Variants in KANSL2 observed in about 807,000 individuals in gnomAD.
KANSL2 encodes NSL complex protein NSL2.
Under a neutral mutation model 55.6 loss-of-function variants are expected in KANSL2, and 34 were observed. The ratio of observed to expected loss-of-function variants is 0.61; its 90% CI spans 0.46 to 0.81. The LOEUF is 0.81. Ranked by LOEUF, KANSL2 falls within the 40% of genes least tolerant of loss-of-function variation. The pLI is 0.00. For missense variants in KANSL2, 502 were observed against 609.9 expected (o/e 0.82, Z 1.86); for synonymous variants, 209 against 214.3 (o/e 0.98, Z 0.22).
intron 1 of KANSL2, 114 bp from the exon 2 acceptor site, chr12:48,681,755 C>G (rs1156763556): frequency 7.3e-7 from 1 of 1,368,274 alleles, no homozygotes; most frequent in Non-Finnish European, 1.0e-6. Flanking sequence ...CCGTAAGGTA[C>G]GCTCCGTAAG....
chr12:48,679,926 A>AT, intron 2 of KANSL2, 93 bp from the exon 3 acceptor site: 1 of 1,101,212 alleles, frequency 9.1e-7, no homozygotes, highest in Non-Finnish European at 1.3e-6. Flanking sequence ...TTTTTAGGGA[A>AT]TTAAAATGAC....
intron 4 of KANSL2, among the ~76,000 whole-genome samples, chr12:48,676,494 C>A (rs1033302899): frequency 6.6e-6 from 1 of 152,060 alleles, no homozygotes; most frequent in African/African-American, 2.4e-5. Context: ...CCCGTCTCTA[C>A]TAAAAACACA....
chr12:48,654,816 T>C (rs892595430), intron 9 of KANSL2, 125 bp downstream of exon 9: 2 of 935,922 alleles, frequency 2.1e-6, no homozygotes, highest in Non-Finnish European at 3.2e-6. Context: ...GAGAGACATG[T>C]GGAGCATCTT....
chr12:48,662,904 G>C (rs1395413724), intron 7 of KANSL2, among the ~76,000 whole-genome samples: 8 of 151,588 alleles, frequency 5.3e-5, no homozygotes, highest in African/African-American at 1.2e-4. Flanking sequence ...AAAAATAAAA[G>C]AACAGTGAAA....
intron 6 of KANSL2, among the ~76,000 whole-genome samples, chr12:48,668,377 A>G (rs1939641246): frequency 6.6e-6 from 1 of 152,270 alleles, no homozygotes; most frequent in African/African-American, 2.4e-5. Flanking sequence ...GTGCAGACAC[A>G]GAGCTGGTCA....
In KANSL2 at chr12:48,653,670, G is replaced by C. The variant is rs950138488; in HGVS notation, c.*374C>G. 1.2e-5 allele frequency: 2 copies of C among 163,724 alleles called. No individual in the cohort carries two copies. The highest frequency in any genetic ancestry group is 4.8e-5 in the African/African-American group (2 of 41,834). 10.1% of individuals were successfully genotyped at this position (163,724 alleles called of 1,614,324 possible). A position where few individuals can be genotyped will look rare whatever the true frequency, so the allele number is the denominator to read the frequency against. ...GCTAAACTGCAGGTCTTCAGATAGA[G>C]ATAACCGATATTAGGGCCATCAGTA... On this transcript the variant is annotated 3_prime_UTR_variant, in exon 10 of 10. Transcript: ENST00000420613.
intron 4 of KANSL2, among the ~76,000 whole-genome samples, chr12:48,673,222 G>A (rs569289631): frequency 1.8e-4 from 27 of 152,154 alleles, no homozygotes; most frequent in African/African-American, 4.8e-4. Flanking sequence ...GATCTGGCAC[G>A]GATCCATATC....
chr12:48,664,879 CTTT>C (rs367566566), intron 7 of KANSL2, among the ~76,000 whole-genome samples: 7 of 94,658 alleles, frequency 7.4e-5, no homozygotes, highest in African/African-American at 1.3e-4. Flanking sequence ...ACTGCGCCCG[CTTT>C]TTTTTTTTTT....
chr12:48,682,017 C>A, intron 1 of KANSL2, 170 bp downstream of exon 1: 1 of 703,018 alleles, frequency 1.4e-6, no homozygotes, highest in East Asian at 2.7e-5. Context: ...TATGCGAGCG[C>A]CATTTTGTCC....
chr12:48,675,014 A>T (rs1939794528), intron 4 of KANSL2, among the ~76,000 whole-genome samples: 1 of 148,488 alleles, frequency 6.7e-6, no homozygotes, highest in South Asian at 2.1e-4. Context: ...AAATAAATTT[A>T]AAAATAAATA....
At chr12:48,669,375 G>T in intron 5 of KANSL2, 103 bp from the exon 6 acceptor site, 1 of 885,866 alleles carries the variant, frequency 1.1e-6, no homozygotes, top group Non-Finnish European at 1.7e-6. Flanking sequence ...AAGATAGGCA[G>T]TTTCAAAAGC....
chr12:48,681,915 C>T (rs749984290), intron 1 of KANSL2: 2 of 703,348 alleles, frequency 2.8e-6, no homozygotes, highest in African/African-American at 3.5e-5. Context: ...AGCGACAACA[C>T]CAGCCCCACG....
chr12:48,669,279 T>C lies in KANSL2; in HGVS notation c.710-7A>G. 4 of 1,536,874 alleles carry C rather than the reference T, an allele frequency of 2.6e-6. No individual in the cohort carries two copies. Among genetic ancestry groups the C allele is most frequent in the Non-Finnish European group, 3.5e-6 (4 of 1,141,016 alleles). On this transcript the variant is annotated splice_region_variant and splice_polypyrimidine_tract_variant and intron_variant, in intron 5 of 9. Coordinates refer to ENST00000420613, the MANE Select transcript of KANSL2 (RefSeq NM_017822.4). ...CCAGTCAGGAGACTACTGCCTAGAG[T>C]TACAAGAGTCAAGATGTTATTTGCC...
At chr12:48,679,214 CTAGAT>C in intron 3 of KANSL2, 64 bp from the exon 4 acceptor site, 2 of 1,052,170 alleles carry the variant, frequency 1.9e-6, no homozygotes, top group East Asian at 2.5e-5. Flanking sequence ...CCACACAAAA[CTAGAT>C]TACTTTTATC....
rs1321742358 is a variant in KANSL2, at chr12:48,669,090, T to C, written c.876+16A>G. 1.3e-6 allele frequency: 2 copies of C among 1,526,708 alleles called. No homozygotes were observed. Among genetic ancestry groups the C allele is most frequent in the Non-Finnish European group, 1.8e-6 (2 of 1,136,310 alleles). The allele number at this position is 1,526,708 out of a possible 1,614,324, so 94.6% of individuals were successfully genotyped here. On this transcript the variant is annotated intron_variant, in intron 6 of 9. Transcript: ENST00000420613. The stretch of plus-strand genomic sequence containing the variant: ...AAAGTGAACGTATATACCTTAAAGG[T>C]ATACACACAAATTACCTGTTGGGCA...
chr12:48,660,729 A>T (rs765340939), intron 7 of KANSL2, 110 bp from the exon 8 acceptor site: 136 of 1,103,964 alleles, frequency 1.2e-4, no homozygotes, highest in Non-Finnish European at 1.6e-4. Context: ...AAGATAAATT[A>T]CAACTACATT....
chr12:48,679,681 C>A lies in KANSL2; in HGVS notation c.404G>T (p.Ser135Ile). The A allele has an allele frequency of 6.2e-7, 1 of 1,613,668 alleles. No homozygotes were observed. The highest frequency in any genetic ancestry group is 8.5e-7 in the Non-Finnish European group (1 of 1,179,800). The part of the protein sequence containing the change: ...TELGSQTPES[S>I]RSEASRILDE... Reference sequence around the variant, plus strand: ...TAGTATTCGGCTGGCTTCACTGCGACTACTTTCTGGAGTCTGAGACCCCAG... The same window carrying A: ...TAGTATTCGGCTGGCTTCACTGCGAATACTTTCTGGAGTCTGAGACCCCAG... Residue 135 changes from serine to isoleucine, a missense_variant, in exon 3 of 10, where the codon AGT becomes ATT. Coordinates refer to ENST00000420613, the MANE Select transcript of KANSL2 (RefSeq NM_017822.4).
At chr12:48,658,409 G>A (rs760919495) in intron 8 of KANSL2, among the ~76,000 whole-genome samples, 14 of 152,112 alleles carry the variant, frequency 9.2e-5, no homozygotes, top group Non-Finnish European at 1.6e-4. Context: ...CAGCAAAAAT[G>A]CCTATTAAAA....
intron 7 of KANSL2, chr12:48,662,533 G>A (rs576648561): frequency 4.8e-5 from 60 of 1,251,608 alleles, no homozygotes; most frequent in Non-Finnish European, 6.1e-5. Flanking sequence ...GGCAAAAGAG[G>A]TAAAAAGAAG....
Sources: allele counts gnomAD v4.1 joint callset (sites outside exome capture counted in the v4.1 genomes callset), GRCh38; gene constraint gnomAD v4.1.1; transcripts MANE v1.5; gene names NCBI Gene and HGNC (gene_info 2026-07-23, HGNC 2026-07-21).